Variants in ZBBX observed in about 807,000 individuals in gnomAD.
ZBBX encodes zinc finger B-box domain-containing protein 1.
Under a neutral mutation model 108.5 loss-of-function variants are expected in ZBBX, and 101 were observed. That is an observed-to-expected ratio of 0.93 (90% CI 0.79 to 1.10). The LOEUF (loss-of-function observed/expected upper bound fraction) is 1.10, where lower values mean the gene tolerates loss of function less well. Among genes scored for constraint, ZBBX ranks in the 50% least tolerant of loss-of-function variants. ZBBX has a pLI of 0.00. For missense variants in ZBBX, 1,009 were observed against 941.4 expected, an observed-to-expected ratio of 1.07 and a Z score of -0.94; for synonymous variants, 356 against 323.4, an observed-to-expected ratio of 1.10 and a Z score of -1.08.
chr3:167,245,649 C>T (rs1277816217), intron 20 of ZBBX, among the ~76,000 whole-genome samples: 6 of 152,132 alleles, frequency 3.9e-5, no homozygotes, highest in African/African-American at 1.4e-4. Context: ...ATAGAGAGTT[C>T]TCATGAGATC....
intron 21 of ZBBX, among the ~76,000 whole-genome samples, chr3:167,241,556 C>T (rs1720679942): frequency 6.6e-6 from 1 of 152,098 alleles, no homozygotes; most frequent in Non-Finnish European, 1.5e-5. Flanking sequence ...ATCAATCTTA[C>T]ATTGATCCTT....
At chr3:167,238,683 T>A (rs1476601883), downstream of ZBBX, among the ~76,000 whole-genome samples, 1 of 152,016 alleles carries the variant, frequency 6.6e-6, no homozygotes, top group East Asian at 1.9e-4. Context: ...CAGGGATATT[T>A]TTCTGTTAAG....
intron 20 of ZBBX, among the ~76,000 whole-genome samples, chr3:167,273,252 G>C (rs1726864136): frequency 6.6e-6 from 1 of 152,148 alleles, no homozygotes; most frequent in South Asian, 2.1e-4. Flanking sequence ...CGCCTGGTTG[G>C]AATGGATCAA....
chr3:167,325,686 C>CA (rs1475639685), intron 11 of ZBBX, among the ~76,000 whole-genome samples: 1 of 152,080 alleles, frequency 6.6e-6, no homozygotes, highest in Non-Finnish European at 1.5e-5. Flanking sequence ...CATTTGACCC[C>CA]ACCACATAGC....
chr3:167,352,711 C>A (rs552519709), intron 8 of ZBBX, among the ~76,000 whole-genome samples: 6 of 140,794 alleles, frequency 4.3e-5, no homozygotes, highest in Non-Finnish European at 6.0e-5. Flanking sequence ...AACATAGATA[C>A]AAAAATTCTC....
chr3:167,185,325 T>C, the ZBBX span, among the ~76,000 whole-genome samples: 24 of 152,286 alleles, frequency 1.6e-4, 1 homozygote, highest in East Asian at 3.5e-3. Context: ...AGTAAAACTA[T>C]AGGTCAATAA....
chr3:167,295,525 T>C (rs1227157893), intron 18 of ZBBX, among the ~76,000 whole-genome samples: 2 of 150,252 alleles, frequency 1.3e-5, no homozygotes, highest in Admixed American at 6.6e-5. Flanking sequence ...CTGGGGCCTG[T>C]TGGGGGGTGG....
chr3:167,397,051 C>T (rs544337329), intron 1 of ZBBX, among the ~76,000 whole-genome samples: 34 of 145,208 alleles, frequency 2.3e-4, no homozygotes, highest in Admixed American at 1.1e-3. Flanking sequence ...TAAATTGAAA[C>T]CTTGAGTATT....
At chr3:167,314,718 GGA>G (rs890907831) in intron 15 of ZBBX, among the ~76,000 whole-genome samples, 2 of 152,158 alleles carry the variant, frequency 1.3e-5, no homozygotes, top group African/African-American at 2.4e-5. Context: ...GTGATCTCCA[GGA>G]GAGAGAGAAA....
chr3:167,360,846 A>C (rs528066630), intron 6 of ZBBX, 123 bp from the exon 7 acceptor site: 1 of 409,624 alleles, frequency 2.4e-6, no homozygotes, highest in East Asian at 4.2e-5. Flanking sequence ...ATTTTTAAAG[A>C]ATAATATAAA....
intron 9 of ZBBX, among the ~76,000 whole-genome samples, chr3:167,339,725 G>C (rs1460830522): frequency 3.3e-5 from 5 of 152,024 alleles, no homozygotes; most frequent in East Asian, 1.9e-4. Context: ...ATAGGTGTAC[G>C]TGTGCCATGG....
At chr3:167,326,192 A>G (rs1356375529) in intron 11 of ZBBX, among the ~76,000 whole-genome samples, 1 of 152,198 alleles carries the variant, frequency 6.6e-6, no homozygotes, top group African/African-American at 2.4e-5. Flanking sequence ...ACTCTACAAG[A>G]GTTACAAATG....
At chr3:167,199,871 C>G in the ZBBX span, among the ~76,000 whole-genome samples, 1 of 152,082 alleles carries the variant, frequency 6.6e-6, no homozygotes, top group East Asian at 1.9e-4. Context: ...CTTAAAATAA[C>G]ACGAATTCAT....
At chr3:167,350,690 G>C (rs994400560) in intron 8 of ZBBX, among the ~76,000 whole-genome samples, 175 bp from the exon 9 acceptor site, 3 of 151,580 alleles carry the variant, frequency 2.0e-5, no homozygotes, top group African/African-American at 4.8e-5. Flanking sequence ...ACTGGGACTA[G>C]TTGTCCCAGT....
intron 12 of ZBBX, among the ~76,000 whole-genome samples, chr3:167,317,989 G>A (rs116213482): frequency 0.012 from 1,872 of 152,030 alleles, 40 homozygotes; most frequent in African/African-American, 0.043. Context: ...AGTTCTACGG[G>A]AACCTGAGGG....
chr3:167,209,272 G>A, the ZBBX span, among the ~76,000 whole-genome samples: 1 of 151,146 alleles, frequency 6.6e-6, no homozygotes, highest in South Asian at 2.1e-4. Context: ...GTTCTCATGG[G>A]TCTTGGGTGA....
At chr3:167,197,408 G>T in the ZBBX span, among the ~76,000 whole-genome samples, 5 of 152,032 alleles carry the variant, frequency 3.3e-5, no homozygotes, top group Non-Finnish European at 1.5e-5. Flanking sequence ...TGTGGTGGTG[G>T]GCGCCTGTAG....
At chr3:167,224,322 C>T in the ZBBX span, among the ~76,000 whole-genome samples, 1 of 151,750 alleles carries the variant, frequency 6.6e-6, no homozygotes, top group South Asian at 2.1e-4. Context: ...TATATCATTA[C>T]AGAGATGCTG....
chr3:167,295,656 C>G (rs1731511568), intron 18 of ZBBX, among the ~76,000 whole-genome samples: 1 of 142,498 alleles, frequency 7.0e-6, no homozygotes, highest in Non-Finnish European at 1.5e-5. Flanking sequence ...TGCATATGTA[C>G]CCAGAACTTA....
Sources: allele counts gnomAD v4.1 joint callset (sites outside exome capture counted in the v4.1 genomes callset), GRCh38; gene constraint gnomAD v4.1.1; transcripts MANE v1.5; gene names NCBI Gene and HGNC (gene_info 2026-07-23, HGNC 2026-07-21).